The following PCDH15 variants were observed in gnomAD, a reference collection of about 807,000 sequenced individuals.
PCDH15 encodes the protein protocadherin related 15.
In PCDH15, 129 loss-of-function variants were observed where a neutral mutation model predicts 178.5. The ratio of observed to expected loss-of-function variants is 0.72; its 90% CI spans 0.63 to 0.84. The LOEUF is 0.84. Ranked by LOEUF, PCDH15 falls within the 40% of genes least tolerant of loss-of-function variation. The pLI, the probability that PCDH15 is intolerant of heterozygous loss-of-function variation, is 0.00. For missense variants in PCDH15, 2,230 were observed against 2,099.9 expected, an observed-to-expected ratio of 1.06 and a Z score of -1.21; for synonymous variants, 800 against 732.0, an observed-to-expected ratio of 1.09 and a Z score of -1.50.
intron 1 of PCDH15, among the ~76,000 whole-genome samples, chr10:54,726,453 T>G (rs910750297): frequency 6.6e-6 from 1 of 151,038 alleles, no homozygotes; most frequent in South Asian, 2.1e-4. Context: ...TGTGTGTGTG[T>G]GTGTGTGTGT....
intron 8 of PCDH15, among the ~76,000 whole-genome samples, chr10:54,241,229 A>T (rs1163920759): frequency 6.6e-6 from 1 of 152,140 alleles, no homozygotes; most frequent in Non-Finnish European, 1.5e-5. Context: ...CTTCACATAG[A>T]CAATAATTGC....
intron 2 of PCDH15, among the ~76,000 whole-genome samples, chr10:55,589,464 G>C (rs568436350): frequency 9.9e-5 from 15 of 151,984 alleles, no homozygotes; most frequent in African/African-American, 3.4e-4. Flanking sequence ...TTGACAAATG[G>C]GATCTAATTA....
intron 2 of PCDH15, among the ~76,000 whole-genome samples, chr10:55,434,347 C>T (rs1040911188): frequency 2.0e-5 from 3 of 151,750 alleles, no homozygotes; most frequent in East Asian, 2.0e-4. Context: ...TGAGCCACCA[C>T]GCCCGGCCAA....
Position 54,023,202 on chromosome 10 carries a change from T to C in PCDH15, c.2221-5A>G, listed in dbSNP as rs753747012. Reference sequence around the variant, plus strand: ...TCCAGCATCAGGGTCTGTTGCCTATTAAATAAAACAAAAAAACAAAAAAAT... The same window carrying C: ...TCCAGCATCAGGGTCTGTTGCCTATCAAATAAAACAAAAAAACAAAAAAAT... On this transcript the variant is annotated splice_polypyrimidine_tract_variant and splice_region_variant and intron_variant, in intron 18 of 37. Transcript: ENST00000644397. 1.2e-6 allele frequency: 2 copies of C among 1,612,214 alleles called. No individual in the cohort carries two copies. Among genetic ancestry groups the C allele is most frequent in the Admixed American group, 1.7e-5 (1 of 59,880 alleles).
chr10:54,103,333 C>A (rs2094846595), intron 15 of PCDH15, among the ~76,000 whole-genome samples: 1 of 152,178 alleles, frequency 6.6e-6, no homozygotes, highest in Non-Finnish European at 1.5e-5. Flanking sequence ...TGCTTTGCCT[C>A]TGCTGTCCAT....
intron 3 of PCDH15, among the ~76,000 whole-genome samples, chr10:54,404,003 A>G (rs2135515543): frequency 6.6e-6 from 1 of 152,180 alleles, no homozygotes; most frequent in Non-Finnish European, 1.5e-5. Flanking sequence ...ATGCTAGTGA[A>G]TAGAAAGTAT....
chr10:54,821,728 T>C (rs1389667886), intron 3 of PCDH15, among the ~76,000 whole-genome samples: 1 of 152,140 alleles, frequency 6.6e-6, no homozygotes, highest in Admixed American at 6.6e-5. Flanking sequence ...GTTGTTGTTA[T>C]CAACAGCTCA....
chr10:54,928,686 G>C (rs1712381417), intron 2 of PCDH15, among the ~76,000 whole-genome samples: 1 of 151,966 alleles, frequency 6.6e-6, no homozygotes. Flanking sequence ...TCAGAAAGCT[G>C]ATCTCTTCAA....
At chr10:55,524,135 G>C (rs1320181623) in intron 2 of PCDH15, among the ~76,000 whole-genome samples, 1 of 150,958 alleles carries the variant, frequency 6.6e-6, no homozygotes, top group Non-Finnish European at 1.5e-5. Flanking sequence ...TTATTACCAT[G>C]AAATTGAAAT....
At chr10:54,274,460 G>A (rs943953561) in intron 8 of PCDH15, among the ~76,000 whole-genome samples, 1 of 151,862 alleles carries the variant, frequency 6.6e-6, no homozygotes, top group African/African-American at 2.4e-5. Context: ...TAGAATATGA[G>A]TTCCTTCAAG....
At chr10:54,688,335 C>G (rs796712780) in intron 1 of PCDH15, among the ~76,000 whole-genome samples, 58 of 152,032 alleles carry the variant, frequency 3.8e-4, no homozygotes, top group African/African-American at 1.3e-3. Context: ...TTGGGCTAAT[C>G]ATACTAAACA....
chr10:54,001,843 T>G (rs904010931), intron 20 of PCDH15, among the ~76,000 whole-genome samples: 9 of 151,798 alleles, frequency 5.9e-5, no homozygotes, highest in Non-Finnish European at 1.5e-5. Context: ...ACTTCACCTA[T>G]AAAGACACAC....
intron 15 of PCDH15, among the ~76,000 whole-genome samples, chr10:54,122,290 G>A (rs72797041): frequency 0.08 from 12,101 of 151,744 alleles, 561 homozygotes; most frequent in African/African-American, 0.11. Flanking sequence ...CGAGAGACGC[G>A]GAAAAAGCTT....
chr10:55,177,351 T>C (rs1485804877), intron 1 of PCDH15, among the ~76,000 whole-genome samples: 1 of 152,160 alleles, frequency 6.6e-6, no homozygotes, highest in Non-Finnish European at 1.5e-5. Context: ...ACAAGCCTTG[T>C]CTGAGGCATC....
intron 2 of PCDH15, among the ~76,000 whole-genome samples, chr10:54,979,027 T>A (rs1041093766): frequency 1.2e-4 from 18 of 152,280 alleles, no homozygotes; most frequent in African/African-American, 3.8e-4. Context: ...TACAATCTTG[T>A]GATGTAAATA....
At chr10:54,651,964 A>T (rs930735624) in intron 2 of PCDH15, among the ~76,000 whole-genome samples, 1 of 149,034 alleles carries the variant, frequency 6.7e-6, no homozygotes, top group Non-Finnish European at 1.5e-5. Context: ...GTGAACTAAG[A>T]TTTCAATGAC....
intron 1 of PCDH15, among the ~76,000 whole-genome samples, chr10:55,310,842 G>A (rs1347738813): frequency 6.6e-6 from 1 of 152,150 alleles, no homozygotes; most frequent in East Asian, 1.9e-4. Flanking sequence ...CATGGACACA[G>A]GGAAGGGAAT....
chr10:54,538,560 T>A (rs927728578), intron 2 of PCDH15, among the ~76,000 whole-genome samples: 17 of 152,180 alleles, frequency 1.1e-4, no homozygotes, highest in African/African-American at 3.4e-4. Flanking sequence ...TTGCTTAGGA[T>A]TGTGCTTTGG....
rs188229504 is a variant in PCDH15 at position 54,196,216 on chromosome 10, C to G, written c.1099-327G>C. Among the ~76,000 whole-genome samples the G allele has an allele frequency of 6.1e-3, 924 of 152,180 alleles. 9 individuals are homozygous for G. The highest frequency in any genetic ancestry group is 0.018 in the African/African-American group (759 of 41,518). On this transcript the variant is annotated intron_variant, in intron 10 of 37. Coordinates refer to ENST00000644397, the MANE Select transcript of PCDH15 (RefSeq NM_001384140.1). ...GGAGTGCAGTGGAGTGAACTCGGCT[C>G]ACTGCCAGCTCTTCCTCCTGAGTTC...
Sources: gnomAD v4.1 joint callset for allele counts (sites outside exome capture counted in the v4.1 genomes callset) on GRCh38, gnomAD v4.1.1 for gene constraint, MANE v1.5 for transcripts, NCBI Gene and HGNC (gene_info 2026-07-23, HGNC 2026-07-21) for gene names.